KLC1: variants seen among roughly 807,000 people sequenced by gnomAD.
The protein encoded by KLC1 is kinesin light chain 1.
Under a neutral mutation model 84.2 loss-of-function variants are expected in KLC1, and 30 were observed. That is an observed-to-expected ratio of 0.36 (90% CI 0.27 to 0.48). KLC1 has a LOEUF of 0.48. Ranked by LOEUF, KLC1 falls within the 20% of genes least tolerant of loss-of-function variation. The probability of loss-of-function intolerance (pLI) is 0.99; values close to 1 mark genes in which losing one functional copy is unlikely to be tolerated. For missense variants in KLC1, 499 were observed against 805.4 expected (o/e 0.62, Z 4.60); for synonymous variants, 289 against 293.3 (o/e 0.99, Z 0.15).
intron 15 of KLC1, chr14:103,698,794 C>T (rs760585240): frequency 1.1e-4 from 170 of 1,590,316 alleles, no homozygotes; most frequent in African/African-American, 5.8e-4. Flanking sequence ...CAGCCGCCAC[C>T]GTGTCAGTGG....
chr14:103,685,490 G>T, intron 13 of KLC1: 1 of 1,256,400 alleles, frequency 8.0e-7, no homozygotes, highest in East Asian at 5.6e-5. Context: ...GTAGAAGCAG[G>T]CAGAAGGTCA....
chr14:103,662,057 C>T (rs1295612139), intron 3 of KLC1, 59 bp from the exon 4 acceptor site: 3 of 1,123,606 alleles, frequency 2.7e-6, no homozygotes, highest in Non-Finnish European at 4.0e-6. Flanking sequence ...TAAAAATTTT[C>T]AGGACAGGAT....
At chr14:103,663,887 G>C (rs1165484278) in intron 5 of KLC1, among the ~76,000 whole-genome samples, 1 of 152,204 alleles carries the variant, frequency 6.6e-6, no homozygotes, top group African/African-American at 2.4e-5. Flanking sequence ...AATGACGCTT[G>C]AAGAGAAATG....
chr14:103,692,402 A>C lies in KLC1; in HGVS notation c.1825A>C (p.Lys609Gln). The part of the protein sequence containing the change: ...SSLNVLNVGG[K>Q]AAEDRFQGVS... Reference sequence around the variant, plus strand: ...TCTGAATGTCCTTAACGTGGGTGGCAAGGCTGCTGAAGATCGCTTTCAAGT... The same window carrying C: ...TCTGAATGTCCTTAACGTGGGTGGCCAGGCTGCTGAAGATCGCTTTCAAGT... The change falls in exon 15 of 17, where the codon AAG becomes CAG. Residue 609 changes from lysine to glutamine, a missense_variant. Physicochemically the swap from Lys to Gln is moderately conservative, Grantham distance 53 (BLOSUM62 1). This residue lies in a region of KLC1 where 167 missense variants were observed against 208.8 expected (regional missense o/e 0.80). Transcript: ENST00000334553. 6.5e-7 allele frequency: 1 copy of C among 1,536,674 alleles called. No individual in the cohort carries two copies. The highest frequency in any genetic ancestry group is 8.7e-7 in the Non-Finnish European group (1 of 1,147,018).
At chr14:103,635,056 G>A (rs2076950163) in intron 1 of KLC1, among the ~76,000 whole-genome samples, 1 of 152,116 alleles carries the variant, frequency 6.6e-6, no homozygotes, top group Non-Finnish European at 1.5e-5. Context: ...ATTTTTGGAG[G>A]CAGATGAAAG....
chr14:103,630,236 G>A (rs1230051613), intron 1 of KLC1, among the ~76,000 whole-genome samples: 4 of 152,198 alleles, frequency 2.6e-5, no homozygotes, highest in Non-Finnish European at 5.9e-5. Context: ...TTTTCCTTAA[G>A]AAAATTAAAA....
chr14:103,660,209 A>G (rs908484868), intron 3 of KLC1, among the ~76,000 whole-genome samples: 14 of 152,146 alleles, frequency 9.2e-5, no homozygotes, highest in South Asian at 2.1e-4. Flanking sequence ...GGCTGGGCGC[A>G]GTGGCTCATG....
chr14:103,665,687 C>G (rs1371613834), intron 5 of KLC1, among the ~76,000 whole-genome samples: 1 of 152,192 alleles, frequency 6.6e-6, no homozygotes. Flanking sequence ...ATCCACCCTC[C>G]TTGGCCTCCC....
intron 13 of KLC1, chr14:103,684,906 G>A (rs887358106): frequency 2.8e-6 from 2 of 723,728 alleles, no homozygotes; most frequent in Non-Finnish European, 5.1e-6. Context: ...TTTTTCTCAA[G>A]AGCAGCAAAA....
chr14:103,699,752 G>A lies in KLC1; in HGVS notation c.1849-903G>A, dbSNP rs3212108. On this transcript the variant is annotated intron_variant, in intron 15 of 16. Transcript: ENST00000334553. The stretch of plus-strand genomic sequence containing the variant: ...CCCAATTCTGTATTTTTCTCAAAGA[G>A]GCCCCAACTATAGAAGCTTCAGGCT... Among the ~76,000 whole-genome samples the A allele has an allele frequency of 1.6e-3, 240 of 152,216 alleles. 6 individuals carry two copies. The East Asian group carries it at 0.043, about 27-fold the overall frequency.
chr14:103,672,575 A>G (rs1311426158), intron 7 of KLC1, among the ~76,000 whole-genome samples: 1 of 152,202 alleles, frequency 6.6e-6, no homozygotes, highest in Non-Finnish European at 1.5e-5. Context: ...ACCCTGAAGG[A>G]TAAGTCGTAG....
chr14:103,653,414 C>A (rs539425281), intron 1 of KLC1, among the ~76,000 whole-genome samples: 18 of 152,156 alleles, frequency 1.2e-4, no homozygotes, highest in East Asian at 5.8e-4. Flanking sequence ...CTCTGCCTCC[C>A]GGGCTCAAGT....
intron 15 of KLC1, 106 bp downstream of exon 15, chr14:103,692,531 C>A: frequency 1.2e-6 from 1 of 852,134 alleles, no homozygotes; most frequent in Non-Finnish European, 1.8e-6. Flanking sequence ...CTGCAGAGGG[C>A]TGGGGACGCC....
chr14:103,662,089 A>G lies in KLC1; in HGVS notation c.493-27A>G, dbSNP rs202228135. On this transcript the variant is annotated intron_variant, in intron 3 of 16. Coordinates refer to ENST00000334553, the MANE Select transcript of KLC1 (RefSeq NM_001394837.1). ...GGATGTGTATAGCACGTGTAAGATG[A>G]AGTGTTGTCCTGGGTCTGTTTTATA... is the stretch of plus-strand genomic sequence containing the variant. The G allele has an allele frequency of 1.0e-4, 160 of 1,527,296 alleles. 1 individual carries two copies. The East Asian group carries it at 3.0e-3, about 29-fold the overall frequency. The allele number at this position is 1,527,296 out of a possible 1,614,324, so 94.6% of individuals were successfully genotyped here.
intron 4 of KLC1, 105 bp from the exon 5 acceptor site, chr14:103,662,597 C>G: frequency 2.3e-6 from 2 of 872,496 alleles, no homozygotes; most frequent in South Asian, 3.4e-5. Flanking sequence ...CACTGGGGGC[C>G]AAGTACTAAC....
intron 5 of KLC1, among the ~76,000 whole-genome samples, chr14:103,668,494 T>C (rs2080084516): frequency 1.3e-5 from 2 of 152,224 alleles, no homozygotes; most frequent in African/African-American, 4.8e-5. Context: ...TTTTTTTCTT[T>C]TGAGACGGAG....
At chr14:103,649,464 C>T (rs1475033497) in intron 1 of KLC1, among the ~76,000 whole-genome samples, 1 of 148,064 alleles carries the variant, frequency 6.8e-6, no homozygotes, top group African/African-American at 2.5e-5. Context: ...TGTGATAGCT[C>T]ATACCCATAT....
chr14:103,634,258 C>A (rs1226351952), intron 1 of KLC1, among the ~76,000 whole-genome samples: 1 of 152,044 alleles, frequency 6.6e-6, no homozygotes, highest in Non-Finnish European at 1.5e-5. Flanking sequence ...AGTTTTGTCT[C>A]TTGTATTCAG....
In KLC1 at chr14:103,693,996, A is replaced by G; in HGVS notation, c.1848+1571A>G. 9.4e-7 allele frequency: 1 copy of G among 1,059,318 alleles called. No individual in the cohort carries two copies. Among genetic ancestry groups the G allele is most frequent in the Non-Finnish European group, 1.1e-6 (1 of 877,164 alleles). The allele number at this position is 1,059,318 out of a possible 1,614,324, so 65.6% of individuals were successfully genotyped here. ...CTCTTTTAAATTGTAATATTGTAATAAGGCTGTAAATTAAGAATCTGGAAA... is the reference window on the plus strand; with the variant it reads ...CTCTTTTAAATTGTAATATTGTAATGAGGCTGTAAATTAAGAATCTGGAAA... On this transcript the variant is annotated intron_variant, in intron 15 of 16. Transcript: ENST00000334553. The surrounding 1 kb of genome is among the most constrained non-coding windows in gnomAD (Gnocchi z 5.1).
Sources: allele counts gnomAD v4.1 joint callset (sites outside exome capture counted in the v4.1 genomes callset), GRCh38; gene constraint gnomAD v4.1.1; regional missense constraint gnomAD v4.1.1; non-coding constraint Gnocchi (gnomAD v3.1); transcripts MANE v1.5; gene names NCBI Gene and HGNC (gene_info 2026-07-23, HGNC 2026-07-21).